LGSN: variants seen among roughly 807,000 people sequenced by gnomAD.
LGSN encodes lengsin.
LGSN carries 21 observed loss-of-function variants against 19.5 expected under a neutral mutation model. That is an observed-to-expected ratio of 1.07 (90% CI 0.76 to 1.55). LGSN has a LOEUF of 1.55. Among genes scored for constraint, LGSN ranks in the 40% most tolerant of loss-of-function variants. The probability of loss-of-function intolerance (pLI) is 0.00; values close to 1 mark genes in which losing one functional copy is unlikely to be tolerated. For synonymous variants in LGSN, 257 were observed against 215.6 expected, an observed-to-expected ratio of 1.19 and a Z score of -1.68; for missense variants, 673 against 608.5, an observed-to-expected ratio of 1.11 and a Z score of -1.12.
chr6:63,313,183 T>C (rs1375748731), intron 1 of LGSN, among the ~76,000 whole-genome samples: 1 of 152,132 alleles, frequency 6.6e-6, no homozygotes, highest in Non-Finnish European at 1.5e-5. Flanking sequence ...CCACCATAGT[T>C]AATGAGTAAA....
the LGSN span, among the ~76,000 whole-genome samples, chr6:63,387,142 C>A: frequency 6.6e-6 from 1 of 151,936 alleles, no homozygotes; most frequent in Non-Finnish European, 1.5e-5. Context: ...GGAAAACGAG[C>A]AAAGGTAAAG....
At chr6:63,538,338 A>G in the LGSN span, among the ~76,000 whole-genome samples, 1 of 152,258 alleles carries the variant, frequency 6.6e-6, no homozygotes, top group East Asian at 1.9e-4. Context: ...GAACATTGTT[A>G]CAGGGATTTC....
chr6:63,352,392 A>G, the LGSN span, among the ~76,000 whole-genome samples: 3 of 152,126 alleles, frequency 2.0e-5, no homozygotes, highest in African/African-American at 4.8e-5. Flanking sequence ...GGCCAGGTGT[A>G]GTGACTAACG....
At chr6:63,549,352 C>T in the LGSN span, 2 of 754,160 alleles carry the variant, frequency 2.7e-6, no homozygotes, top group Non-Finnish European at 4.8e-6. Context: ...TTTCACAAAG[C>T]TGGTTAGGTC....
the LGSN span, among the ~76,000 whole-genome samples, chr6:63,503,987 A>G: frequency 2.6e-5 from 4 of 152,134 alleles, no homozygotes; most frequent in South Asian, 4.1e-4. Context: ...CAACAATAAT[A>G]ATAAAATTAT....
the LGSN span, among the ~76,000 whole-genome samples, chr6:63,398,045 G>T: frequency 1.3e-5 from 2 of 152,048 alleles, no homozygotes; most frequent in Non-Finnish European, 2.9e-5. Flanking sequence ...TCGCATGTTT[G>T]TAGGGATACT....
At chr6:63,481,488 G>A in the LGSN span, among the ~76,000 whole-genome samples, 5 of 151,166 alleles carry the variant, frequency 3.3e-5, no homozygotes, top group South Asian at 4.2e-4. Context: ...GGCTACAGGC[G>A]CATGCCACCA....
the LGSN span, among the ~76,000 whole-genome samples, chr6:63,410,657 G>T: frequency 1.4e-3 from 208 of 152,214 alleles, 1 homozygote; most frequent in African/African-American, 4.9e-3. Flanking sequence ...CTTCTTTCTT[G>T]GAACCATAAA....
At chr6:63,479,132 G>C in the LGSN span, among the ~76,000 whole-genome samples, 1 of 152,170 alleles carries the variant, frequency 6.6e-6, no homozygotes, top group Non-Finnish European at 1.5e-5. Flanking sequence ...GACAACCCAG[G>C]CCTCAACCAA....
At chr6:63,358,087 G>A in the LGSN span, among the ~76,000 whole-genome samples, 1 of 152,138 alleles carries the variant, frequency 6.6e-6, no homozygotes, top group Admixed American at 6.5e-5. Flanking sequence ...TATTAAATAG[G>A]GAATCCTTTC....
the LGSN span, among the ~76,000 whole-genome samples, chr6:63,427,380 A>G: frequency 1.3e-5 from 2 of 152,046 alleles, no homozygotes; most frequent in African/African-American, 4.8e-5. Context: ...CACCCGAGAT[A>G]ATAAACATCA....
chr6:63,351,219 G>A, the LGSN span, among the ~76,000 whole-genome samples: 1 of 152,118 alleles, frequency 6.6e-6, no homozygotes, highest in African/African-American at 2.4e-5. Context: ...AAAGCTACCA[G>A]TGTCTTGTTC....
chr6:63,338,319 T>TG, the LGSN span, among the ~76,000 whole-genome samples: 92 of 152,308 alleles, frequency 6.0e-4, no homozygotes, highest in Middle Eastern at 3.4e-3. Flanking sequence ...GGGTTTGGGT[T>TG]GGGGGTACAG....
chr6:63,507,807 A>G, the LGSN span, among the ~76,000 whole-genome samples: 1 of 152,202 alleles, frequency 6.6e-6, no homozygotes, highest in Non-Finnish European at 1.5e-5. Context: ...TACTGTTCAG[A>G]CAGGTTGATG....
chr6:63,407,031 T>A, the LGSN span, among the ~76,000 whole-genome samples: 1 of 152,128 alleles, frequency 6.6e-6, no homozygotes, highest in South Asian at 2.1e-4. Flanking sequence ...ATTGAGGCAA[T>A]AATCAATAGC....
chr6:63,497,951 T>A, the LGSN span, among the ~76,000 whole-genome samples: 12 of 117,660 alleles, frequency 1.0e-4, no homozygotes, highest in South Asian at 8.6e-4. Flanking sequence ...AGAGTTTTGC[T>A]CTTGCTGCCA....
At chr6:63,540,348 C>G in the LGSN span, among the ~76,000 whole-genome samples, 4 of 152,108 alleles carry the variant, frequency 2.6e-5, no homozygotes. Flanking sequence ...AATCCAGGCA[C>G]AATGGGTCAC....
At chr6:63,563,047 C>T in the LGSN span, among the ~76,000 whole-genome samples, 1 of 152,190 alleles carries the variant, frequency 6.6e-6, no homozygotes, top group Non-Finnish European at 1.5e-5. Flanking sequence ...TCTAATCTCT[C>T]CACTTTTCTC....
chr6:63,557,633 G>A, the LGSN span, among the ~76,000 whole-genome samples: 4 of 152,078 alleles, frequency 2.6e-5, no homozygotes, highest in Non-Finnish European at 5.9e-5. Flanking sequence ...CCAGGTAAAA[G>A]GAATTGCAGA....
Sources: gnomAD v4.1 joint callset for allele counts (sites outside exome capture counted in the v4.1 genomes callset) on GRCh38, gnomAD v4.1.1 for gene constraint, MANE v1.5 for transcripts, NCBI Gene and HGNC (gene_info 2026-07-23, HGNC 2026-07-21) for gene names.